PLEKHH2: variants seen among roughly 807,000 people sequenced by gnomAD.
PLEKHH2 encodes the protein pleckstrin homology, MyTH4 and FERM domain containing H2.
A neutral mutation model predicts 187.9 loss-of-function variants in PLEKHH2; 129 were observed. That is an observed-to-expected ratio of 0.69 (90% CI 0.59 to 0.79). The LOEUF (loss-of-function observed/expected upper bound fraction) is 0.79, where lower values mean the gene tolerates loss of function less well. PLEKHH2 is among the 30% of genes least tolerant of loss of function. PLEKHH2 has a pLI of 0.00. For missense variants in PLEKHH2, 2,076 were observed against 1,751.2 expected (o/e 1.19, Z -3.31); for synonymous variants, 686 against 605.6 (o/e 1.13, Z -1.95).
At chr2:43,676,450 C>G (rs1572531592) in intron 2 of PLEKHH2, 2 of 686,802 alleles carry the variant, frequency 2.9e-6, no homozygotes, top group African/African-American at 3.6e-5. Flanking sequence ...GGTCGCTTCT[C>G]GGTGGCGTAG....
At chr2:43,645,643 T>G (rs768433708) in intron 2 of PLEKHH2, among the ~76,000 whole-genome samples, 8 of 152,174 alleles carry the variant, frequency 5.3e-5, no homozygotes, top group Non-Finnish European at 8.8e-5. Flanking sequence ...TTTATATTGA[T>G]TATATGTTGA....
Position 43,745,954 on chromosome 2 carries a change from A to G in PLEKHH2, c.3644A>G (p.Tyr1215Cys). 2.5e-6 allele frequency: 4 copies of G among 1,607,242 alleles called. No homozygotes were observed. The highest frequency in any genetic ancestry group is 4.5e-5 in the East Asian group (2 of 44,810). Residue 1215 changes from tyrosine (Y) to cysteine (C), a missense_variant, in exon 24 of 30, where the codon TAC becomes TGC. Coordinates refer to ENST00000282406, the MANE Select transcript of PLEKHH2 (RefSeq NM_172069.4). ...GGTACAAGGACTGTTCGTCTGACATACAAAAACAGGTGTGTAATACTGCAT... is the reference window on the plus strand; with the variant it reads ...GGTACAAGGACTGTTCGTCTGACATGCAAAAACAGGTGTGTAATACTGCAT... The part of the protein sequence containing the change: ...CEGTRTVRLT[Y>C]KNRLYFSVQA...
intron 14 of PLEKHH2, 42 bp from the exon 15 acceptor site, chr2:43,712,183 C>T: frequency 1.3e-6 from 2 of 1,583,772 alleles, no homozygotes; most frequent in East Asian, 2.2e-5. Context: ...AATCCTAAAT[C>T]TTCACAGTTT....
At chr2:43,761,545 G>C (rs1672429937) in intron 27 of PLEKHH2, among the ~76,000 whole-genome samples, 1 of 151,658 alleles carries the variant, frequency 6.6e-6, no homozygotes, top group South Asian at 2.1e-4. Context: ...CAAGTAGATC[G>C]GATTACAGGC....
intron 2 of PLEKHH2, among the ~76,000 whole-genome samples, chr2:43,647,164 A>C (rs1452485458): frequency 1.3e-5 from 2 of 152,214 alleles, no homozygotes; most frequent in Admixed American, 6.5e-5. Flanking sequence ...CTTGTGAAGT[A>C]ATACATTTTA....
intron 2 of PLEKHH2, among the ~76,000 whole-genome samples, chr2:43,654,136 T>C (rs1666623951): frequency 6.6e-6 from 1 of 152,228 alleles, no homozygotes; most frequent in Non-Finnish European, 1.5e-5. Context: ...AAGAATTGGC[T>C]AAAAGAGTAC....
Position 43,765,346 on chromosome 2 carries a change from C to T in PLEKHH2, c.4297-67C>T, listed in dbSNP as rs1158569507. ...AAATGGAGCTCACCTGTGGCCAACACTTTACTCTCTTCTGGAAGTGATGAG... is the reference window on the plus strand; with the variant it reads ...AAATGGAGCTCACCTGTGGCCAACATTTTACTCTCTTCTGGAAGTGATGAG... On this transcript the variant is annotated intron_variant, in intron 29 of 29. Coordinates refer to ENST00000282406, the MANE Select transcript of PLEKHH2 (RefSeq NM_172069.4). 4 of 1,509,756 alleles carry T rather than the reference C, an allele frequency of 2.6e-6. No homozygotes were observed. The Admixed American group carries it at 7.0e-5, about 27-fold the overall frequency. The allele number at this position is 1,509,756 out of a possible 1,614,324, so 93.5% of individuals were successfully genotyped here. A position where few individuals can be genotyped will look rare whatever the true frequency, so the allele number is the denominator to read the frequency against.
At position 43,754,197 on chromosome 2, in the gene PLEKHH2, C is replaced by CAA. The variant is rs1339971889; in HGVS notation, c.3795+438_3795+439insAA. Among the ~76,000 whole-genome samples the CAA allele has an allele frequency of 5.2e-3, 653 of 125,146 alleles. 9 individuals carry two copies. Among genetic ancestry groups the CAA allele is most frequent in the African/African-American group, 0.024 (620 of 26,208 alleles). 82.1% of individuals were successfully genotyped at this position (125,146 alleles called of 152,430 possible). A position where few individuals can be genotyped will look rare whatever the true frequency, so the allele number is the denominator to read the frequency against. ...ACACACACACACACACACACACACA[C>CAA]ACACACACAAAATTAATACTGACTT... On this transcript the variant is annotated intron_variant, in intron 25 of 29. Coordinates refer to ENST00000282406, the MANE Select transcript of PLEKHH2 (RefSeq NM_172069.4).
chr2:43,739,549 A>G (rs1047251675), intron 20 of PLEKHH2, among the ~76,000 whole-genome samples: 4 of 152,224 alleles, frequency 2.6e-5, no homozygotes, highest in Non-Finnish European at 5.9e-5. Context: ...TAAGACAAAG[A>G]CTTGAAAATG....
At chr2:43,730,079 C>T (rs1670965209) in intron 18 of PLEKHH2, among the ~76,000 whole-genome samples, 1 of 152,144 alleles carries the variant, frequency 6.6e-6, no homozygotes, top group Non-Finnish European at 1.5e-5. Context: ...TGCAGCTCAG[C>T]ATCTGGCTCA....
intron 19 of PLEKHH2, among the ~76,000 whole-genome samples, chr2:43,736,380 C>T (rs966728111): frequency 1.3e-5 from 2 of 152,152 alleles, no homozygotes; most frequent in African/African-American, 4.8e-5. Context: ...AGGACAGATT[C>T]TTCGGAAAAA....
At chr2:43,698,401 C>A (rs12621855) in intron 7 of PLEKHH2, among the ~76,000 whole-genome samples, 78,045 of 151,760 alleles carry the variant, frequency 0.51, 20,610 homozygotes, top group Middle Eastern at 0.61. Context: ...ACACATGCCA[C>A]CATGCCTAGT....
intron 15 of PLEKHH2, among the ~76,000 whole-genome samples, chr2:43,714,335 C>T (rs544880761): frequency 4.6e-4 from 70 of 152,210 alleles, no homozygotes; most frequent in South Asian, 8.3e-4. Flanking sequence ...CGATGGGATT[C>T]TCAGATGACT....
intron 2 of PLEKHH2, among the ~76,000 whole-genome samples, chr2:43,678,537 G>A (rs536076102): frequency 1.1e-4 from 17 of 152,212 alleles, no homozygotes; most frequent in African/African-American, 3.4e-4. Flanking sequence ...GCGAAACCCC[G>A]TCTCCACCAA....
chr2:43,638,896 T>G (rs943905880), intron 1 of PLEKHH2, among the ~76,000 whole-genome samples: 7 of 152,180 alleles, frequency 4.6e-5, no homozygotes, highest in African/African-American at 1.7e-4. Flanking sequence ...CAATTTGCAG[T>G]TCTGATTTAT....
rs779969459 is a variant in PLEKHH2, at chr2:43,710,034, C to T, written c.2011C>T (p.Pro671Ser). 62 of 1,612,808 alleles carry T rather than the reference C, an allele frequency of 3.8e-5. No homozygotes were observed. The highest frequency in any genetic ancestry group is 5.0e-5 in the Non-Finnish European group (59 of 1,179,216). Residue 671 changes from proline (P) to serine (S), a missense_variant, in exon 12 of 30, where the codon CCT becomes TCT. Pro to Ser is a moderately conservative substitution (Grantham distance 74). Transcript: ENST00000282406. ...GGCTTCTGAAAGTGATTATGCTATT[C>T]CTCCTGATGCTTACTCCACAGACAC... ...SVASESDYAI[P>S]PDAYSTDTEY...
At chr2:43,639,191 T>G (rs1354570978) in intron 1 of PLEKHH2, among the ~76,000 whole-genome samples, 1 of 152,210 alleles carries the variant, frequency 6.6e-6, no homozygotes, top group East Asian at 1.9e-4. Flanking sequence ...GTAAATGCAG[T>G]CCTAGTATAC....
chr2:43,757,490 G>T (rs1672260568), intron 26 of PLEKHH2, among the ~76,000 whole-genome samples: 1 of 151,072 alleles, frequency 6.6e-6, no homozygotes, highest in South Asian at 2.1e-4. Context: ...CCCAATCTCG[G>T]CTCACTGCAA....
At chr2:43,657,844 C>G (rs2374568) in intron 2 of PLEKHH2, among the ~76,000 whole-genome samples, 64,380 of 151,950 alleles carry the variant, frequency 0.42, 14,223 homozygotes, top group African/African-American at 0.51. Context: ...TGTAGGGTGG[C>G]GCAGATAATT....
Sources: gnomAD v4.1 joint callset for allele counts (sites outside exome capture counted in the v4.1 genomes callset) on GRCh38, gnomAD v4.1.1 for gene constraint, MANE v1.5 for transcripts, NCBI Gene and HGNC (gene_info 2026-07-23, HGNC 2026-07-21) for gene names.